Variants in CP observed in about 807,000 individuals in gnomAD.
The protein encoded by CP is ceruloplasmin, also known as caeruloplasmin.
Under a neutral mutation model 122.4 loss-of-function variants are expected in CP, and 64 were observed. The ratio of observed to expected loss-of-function variants is 0.52; its 90% CI spans 0.43 to 0.64. The LOEUF (loss-of-function observed/expected upper bound fraction) is 0.64. Ranked by LOEUF, CP falls within the 30% of genes least tolerant of loss-of-function variation. The pLI is 0.00. For synonymous variants in CP, 440 were observed against 436.4 expected (o/e 1.01, Z -0.10); for missense variants, 1,167 against 1,284.4 (o/e 0.91, Z 1.40).
At chr3:149,169,272 C>A (rs1724744929), downstream of CP, among the ~76,000 whole-genome samples, 1 of 152,146 alleles carries the variant, frequency 6.6e-6, no homozygotes, top group African/African-American at 2.4e-5. Context: ...GTTTTCTTAA[C>A]AGTTGTACAC....
At chr3:149,197,948 G>C (rs1471879690) in intron 9 of CP, among the ~76,000 whole-genome samples, 2 of 152,172 alleles carry the variant, frequency 1.3e-5, no homozygotes, top group Non-Finnish European at 2.9e-5. Flanking sequence ...TGTGGGGGAT[G>C]TTGGGGACCC....
In CP at chr3:149,221,804, T is replaced by C. The variant is rs752727352; in HGVS notation, c.-12A>G. The C allele has an allele frequency of 6.8e-6, 11 of 1,613,456 alleles. No homozygotes were observed. The highest frequency in any genetic ancestry group is 5.0e-5 in the Admixed American group (3 of 59,972). On this transcript the variant is annotated 5_prime_UTR_variant, in exon 1 of 19. Coordinates refer to ENST00000264613, the MANE Select transcript of CP (RefSeq NM_000096.4). The stretch of plus-strand genomic sequence containing the variant: ...ATCAAAATCTTCATTTTTTTCCCCT[T>C]CTTGGAGCCTGAGAAGAAATGAAGT...
chr3:149,178,992 A>G (rs1262518508), intron 15 of CP, among the ~76,000 whole-genome samples: 2 of 152,206 alleles, frequency 1.3e-5, no homozygotes, highest in African/African-American at 4.8e-5. Flanking sequence ...CTAAAAATCC[A>G]TAGATGAATG....
Position 149,176,305 on chromosome 3 carries a change from C to T in CP, c.3126G>A (p.Val1042=). 6.2e-7 allele frequency: 1 copy of T among 1,613,362 alleles called. No individual in the cohort carries two copies. The highest frequency in any genetic ancestry group is 1.1e-5 in the South Asian group (1 of 91,044). The part of the protein sequence containing the change: ...TPGIWLLHCH[V]TDHIHAGMET... Reference sequence around the variant, plus strand: ...CCATTCCAGCATGAATGTGGTCGGTCACATGGCAGTGGAGTAACCAAATTC... The same window carrying T: ...CCATTCCAGCATGAATGTGGTCGGTTACATGGCAGTGGAGTAACCAAATTC... Residue 1042 remains valine, a synonymous_variant, in exon 18 of 19, where the codon GTG becomes GTA. Transcript: ENST00000264613.
At chr3:149,190,970 C>T (rs1025988337) in intron 9 of CP, among the ~76,000 whole-genome samples, 3 of 152,092 alleles carry the variant, frequency 2.0e-5, no homozygotes, top group Admixed American at 6.5e-5. Flanking sequence ...GTTGTTCTCC[C>T]CCAGAGTGCA....
rs1324307632 is a variant in CP at position 149,176,373 on chromosome 3, G to A, written c.3058C>T (p.Pro1020Ser). ...ATTTCTAGGGTTTGGTATGTTCCAGGGAAAATGTCAAAGACATCAGAACTA... is the reference window on the plus strand; with the variant it reads ...ATTTCTAGGGTTTGGTATGTTCCAGAGAAAATGTCAAAGACATCAGAACTA... Reference protein sequence around the residue: ...VYSSDVFDIFPGTYQTLEMFP... With the variant: ...VYSSDVFDIFSGTYQTLEMFP... Residue 1020 changes from proline to serine, a missense_variant, in exon 18 of 19, where the codon CCT becomes TCT. Transcript: ENST00000264613. 4.3e-6 allele frequency: 7 copies of A among 1,612,828 alleles called. No homozygotes were observed. In the African/African-American group the frequency reaches 8.0e-5, roughly 18 times the overall value.
chr3:149,193,186 A>T (rs925370312), intron 9 of CP, among the ~76,000 whole-genome samples: 1 of 152,194 alleles, frequency 6.6e-6, no homozygotes, highest in Non-Finnish European at 1.5e-5. Context: ...GAGCAGTTTG[A>T]CAAGCACATA....
intron 1 of CP, among the ~76,000 whole-genome samples, chr3:149,218,980 G>A (rs143588827): frequency 4.6e-4 from 70 of 152,230 alleles, no homozygotes; most frequent in African/African-American, 1.6e-3. Flanking sequence ...ACCATGTCTT[G>A]TGATACTCCA....
In CP at chr3:149,207,388, G is replaced by A. The variant is rs776949819; in HGVS notation, c.1011C>T (p.Ser337=). The change falls in exon 5 of 19, where the codon AGC becomes AGT. Residue 337 remains serine, a synonymous_variant. Transcript: ENST00000264613. ...CTTTCAGATGGTTTAGATTCTGACA[G>A]CTGAGCATCCATTCTCCAGGGTTCT... ...VAQNPGEWML[S]CQNLNHLKAG... is the part of the protein sequence containing the mutation. 6 of 1,613,892 alleles carry A rather than the reference G, an allele frequency of 3.7e-6. No individual in the cohort carries two copies. The highest frequency in any genetic ancestry group is 2.2e-5 in the East Asian group (1 of 44,882).
intron 4 of CP, among the ~76,000 whole-genome samples, chr3:149,208,556 A>G (rs1727905642): frequency 1.3e-5 from 2 of 152,204 alleles, no homozygotes; most frequent in Non-Finnish European, 2.9e-5. Flanking sequence ...ATTTTGAAGA[A>G]GTTAAACACA....
intron 5 of CP, among the ~76,000 whole-genome samples, chr3:149,165,690 T>G (rs1724346451): frequency 6.6e-6 from 1 of 152,146 alleles, no homozygotes; most frequent in Non-Finnish European, 1.5e-5. Flanking sequence ...TAAAAGTTCA[T>G]GGGTAGTTGA....
chr3:149,188,918 A>C (rs1348067772), intron 9 of CP, among the ~76,000 whole-genome samples: 1 of 152,194 alleles, frequency 6.6e-6, no homozygotes, highest in Non-Finnish European at 1.5e-5. Context: ...CTTCAGATAC[A>C]TGATAAGGTG....
chr3:149,203,155 T>C (rs111712132), intron 6 of CP, among the ~76,000 whole-genome samples: 2,170 of 152,102 alleles, frequency 0.014, 52 homozygotes, highest in African/African-American at 0.048. Context: ...GATCCGCCCG[T>C]CTCGGCTTTG....
chr3:149,211,086 T>C (rs1728071096), intron 2 of CP, among the ~76,000 whole-genome samples: 2 of 152,168 alleles, frequency 1.3e-5, no homozygotes, highest in East Asian at 1.9e-4. Flanking sequence ...AGAAATAGGA[T>C]GGCAGTCAGC....
intron 7 of CP, among the ~76,000 whole-genome samples, chr3:149,201,571 C>T (rs1457821887): frequency 1.3e-5 from 2 of 151,934 alleles, no homozygotes; most frequent in Non-Finnish European, 2.9e-5. Context: ...GAAGTCAGGT[C>T]AGCATGGGTT....
chr3:149,195,109 T>A (rs1451098129), intron 9 of CP, among the ~76,000 whole-genome samples: 1 of 152,202 alleles, frequency 6.6e-6, no homozygotes, highest in Non-Finnish European at 1.5e-5. Flanking sequence ...AAAAGATAAA[T>A]ATGATCCGCT....
At chr3:149,165,181 A>C (rs1165044336) in intron 5 of CP, among the ~76,000 whole-genome samples, 1 of 152,198 alleles carries the variant, frequency 6.6e-6, no homozygotes, top group Non-Finnish European at 1.5e-5. Context: ...TTGCTTGAGC[A>C]TGTGCTGTAG....
intron 14 of CP, 32 bp downstream of exon 14, chr3:149,181,973 T>TGGGGGGGGGGGGGGGGCG: frequency 7.3e-7 from 1 of 1,375,574 alleles, no homozygotes; most frequent in Non-Finnish European, 1.0e-6. Context: ...CCTGTTAAAA[T>TGGGGGGGGGGGGGGGGCG]GCACCACCCC....
At chr3:149,203,216 A>C (rs9834971) in intron 6 of CP, among the ~76,000 whole-genome samples, 61,944 of 151,640 alleles carry the variant, frequency 0.41, 14,489 homozygotes, top group East Asian at 0.54. Flanking sequence ...CCCAGTGGCT[A>C]CTCTTTATTG....
Sources: gnomAD v4.1 joint callset for allele counts (sites outside exome capture counted in the v4.1 genomes callset) on GRCh38, gnomAD v4.1.1 for gene constraint, MANE v1.5 for transcripts, NCBI Gene and HGNC (gene_info 2026-07-23, HGNC 2026-07-21) for gene names.